The following PPP1R7 variants were observed in gnomAD, a reference collection of about 807,000 sequenced individuals.
PPP1R7 encodes the protein protein phosphatase 1 regulatory subunit 7.
In PPP1R7, 18 loss-of-function variants were observed where a neutral mutation model predicts 45.2. The ratio of observed to expected loss-of-function variants is 0.40; its 90% CI spans 0.28 to 0.59. The LOEUF (loss-of-function observed/expected upper bound fraction) is 0.59. PPP1R7 is among the 20% of genes least tolerant of loss of function. PPP1R7 has a pLI of 0.46. For missense variants in PPP1R7, 314 were observed against 455.8 expected (o/e 0.69, Z 2.83); for synonymous variants, 181 against 183.4 (o/e 0.99, Z 0.11).
Position 241,166,454 on chromosome 2 carries a change from C to G in PPP1R7, c.819+13C>G, listed in dbSNP as rs946240652. On this transcript the variant is annotated intron_variant, in intron 8 of 9. Coordinates refer to ENST00000234038, the MANE Select transcript of PPP1R7 (RefSeq NM_002712.3). ...CCTGGAGAACAATGTAAGACACCCA[C>G]TGTCTGTCTGGGGCTGTGTGGGCGG... 6.2e-7 allele frequency: 1 copy of G among 1,610,652 alleles called. No homozygotes were observed. Among genetic ancestry groups the G allele is most frequent in the Non-Finnish European group, 8.5e-7 (1 of 1,177,656 alleles).
chr2:241,182,410 C>T (rs1031558886), intron 9 of PPP1R7, among the ~76,000 whole-genome samples: 2 of 152,164 alleles, frequency 1.3e-5, no homozygotes, highest in Admixed American at 6.5e-5. Flanking sequence ...GTGGACTTGG[C>T]CCCGTCATAG....
rs1436124948 is a variant in PPP1R7, at chr2:241,153,604, G to A, written c.181G>A (p.Glu61Lys). 1.2e-6 allele frequency: 2 copies of A among 1,613,812 alleles called. No individual in the cohort carries two copies. Among genetic ancestry groups the A allele is most frequent in the Non-Finnish European group, 1.7e-6 (2 of 1,179,976 alleles). ...GEERGEEDPE[E>K]EHELPVDMET... ...GGAGCGGGGGGAGGAGGACCCAGAAGGTACCAGGCCCAGCTCCCTTGGGGA... is the reference window on the plus strand; with the variant it reads ...GGAGCGGGGGGAGGAGGACCCAGAAAGTACCAGGCCCAGCTCCCTTGGGGA... Residue 61 changes from glutamate (E) to lysine (K), a missense_variant and splice_region_variant, in exon 2 of 10, where the codon GAA becomes AAA. Coordinates refer to ENST00000234038, the MANE Select transcript of PPP1R7 (RefSeq NM_002712.3).
chr2:241,161,854 T>A (rs1309606279), intron 6 of PPP1R7, among the ~76,000 whole-genome samples: 2 of 152,222 alleles, frequency 1.3e-5, no homozygotes, highest in African/African-American at 2.4e-5. Context: ...CGTGCCTGGC[T>A]CCTAATCAGG....
intron 9 of PPP1R7, among the ~76,000 whole-genome samples, chr2:241,180,460 G>C (rs939772040): frequency 1.3e-5 from 2 of 150,044 alleles, no homozygotes; most frequent in African/African-American, 4.9e-5. Flanking sequence ...TTACAGATTT[G>C]CGTTGGGCCT....
rs373454713 is a variant in PPP1R7, at chr2:241,181,422, G to A, written c.907-1225G>A. 3.3e-5 allele frequency among the ~76,000 whole-genome samples: 5 copies of A among 152,000 alleles called. No homozygotes were observed. In the East Asian group the frequency reaches 9.7e-4, roughly 30 times the overall value. ...GCACGCACCTGCAGGCTCTGAGGAG[G>A]GAGTTCCAGCGCGAGCCCCGTGATC... is the stretch of plus-strand genomic sequence containing the variant. On this transcript the variant is annotated intron_variant, in intron 9 of 9. Transcript: ENST00000234038.
At chr2:241,176,181 G>A (rs747288914) in intron 9 of PPP1R7, among the ~76,000 whole-genome samples, 2 of 152,174 alleles carry the variant, frequency 1.3e-5, no homozygotes, top group African/African-American at 2.4e-5. Flanking sequence ...CCAAAGTGCT[G>A]GGATTACAGG....
chr2:241,174,516 C>A (rs2067875376), intron 9 of PPP1R7, among the ~76,000 whole-genome samples: 1 of 152,010 alleles, frequency 6.6e-6, no homozygotes, highest in South Asian at 2.1e-4. Context: ...GGCCACCAGG[C>A]TCTGCTTGGG....
At chr2:241,170,945 G>T (rs1025293528) in intron 9 of PPP1R7, among the ~76,000 whole-genome samples, 1 of 152,164 alleles carries the variant, frequency 6.6e-6, no homozygotes, top group African/African-American at 2.4e-5. Context: ...GGTGTGGCTG[G>T]TGGTAGGCTG....
intron 9 of PPP1R7, among the ~76,000 whole-genome samples, chr2:241,182,002 C>CAA (rs60709076): frequency 6.7e-4 from 93 of 138,112 alleles, no homozygotes; most frequent in African/African-American, 2.2e-3. Flanking sequence ...GACTCTGTCT[C>CAA]AAAAAAAAAA....
chr2:241,166,927 C>T (rs777909954), intron 8 of PPP1R7: 1 of 855,556 alleles, frequency 1.2e-6, no homozygotes, highest in Non-Finnish European at 1.9e-6. Flanking sequence ...CAGTCCCAGC[C>T]CCTTCCTCTT....
Position 241,182,754 on chromosome 2 carries a change from G to A in PPP1R7, c.1014G>A (p.Gln338=). The A allele has an allele frequency of 6.2e-7, 1 of 1,614,206 alleles. No homozygotes were observed. The highest frequency in any genetic ancestry group is 1.1e-5 in the South Asian group (1 of 91,086). Residue 338 remains glutamine (Q), a synonymous_variant, in exon 10 of 10, where the codon CAG becomes CAA. Coordinates refer to ENST00000234038, the MANE Select transcript of PPP1R7 (RefSeq NM_002712.3). ...LERNPLQKDP[Q]YRRKVMLALP... ...GGAACCCCTTGCAGAAGGACCCCCA[G>A]TACCGGCGGAAGGTCATGCTCGCCC...
upstream of PPP1R7, chr2:241,150,111 GC>G: frequency 1.6e-6 from 2 of 1,260,098 alleles, no homozygotes; most frequent in Middle Eastern, 3.1e-4. Context: ...CTGGCCCGCG[GC>G]CCCTCCACGC....
intron 8 of PPP1R7, 62 bp from the exon 9 acceptor site, chr2:241,169,719 T>C: frequency 7.2e-7 from 1 of 1,384,348 alleles, no homozygotes. Flanking sequence ...ACTGCCTGCG[T>C]GGTCATGCAA....
intron 9 of PPP1R7, among the ~76,000 whole-genome samples, chr2:241,181,833 G>T (rs557242838): frequency 6.6e-6 from 1 of 152,198 alleles, no homozygotes; most frequent in Non-Finnish European, 1.5e-5. Context: ...TGCCACCGCG[G>T]TTTGCCTGGC....
At chr2:241,168,359 AG>A (rs2067756760) in intron 8 of PPP1R7, among the ~76,000 whole-genome samples, 1 of 152,056 alleles carries the variant, frequency 6.6e-6, no homozygotes, top group African/African-American at 2.4e-5. Context: ...CGTGTGTTCC[AG>A]GCCACTTTCA....
rs553141500 is a variant in PPP1R7 at position 241,181,324 on chromosome 2, C to T, written c.907-1323C>T. 9.8e-4 allele frequency among the ~76,000 whole-genome samples: 149 copies of T among 152,188 alleles called. 1 individual carries two copies. Among genetic ancestry groups the T allele is most frequent in the Non-Finnish European group, 1.8e-3 (119 of 68,000 alleles). On this transcript the variant is annotated intron_variant, in intron 9 of 9. Coordinates refer to ENST00000234038, the MANE Select transcript of PPP1R7 (RefSeq NM_002712.3). ...CCTGGCTGTGACAGTGGACCTGGTG[C>T]AAAACTAGCCCTCCTGCCACAGACA...
chr2:241,169,775 T>G lies in PPP1R7; in HGVS notation c.820-6T>G. 6.2e-7 allele frequency: 1 copy of G among 1,601,892 alleles called. No individual in the cohort carries two copies. Among genetic ancestry groups the G allele is most frequent in the Non-Finnish European group, 8.6e-7 (1 of 1,168,888 alleles). On this transcript the variant is annotated splice_polypyrimidine_tract_variant and splice_region_variant and intron_variant, in intron 8 of 9. Coordinates refer to ENST00000234038, the MANE Select transcript of PPP1R7 (RefSeq NM_002712.3). ...ATCCAGGAAACATTTTATTTCCTTC[T>G]TTTAGAACAAACTCACGATGTTGGA...
At chr2:241,168,213 C>T (rs181620271) in intron 8 of PPP1R7, among the ~76,000 whole-genome samples, 36 of 152,164 alleles carry the variant, frequency 2.4e-4, no homozygotes, top group Admixed American at 1.1e-3. Context: ...TGTAGAAAAA[C>T]GTGAAATAGT....
upstream of PPP1R7, chr2:241,150,170 T>C: frequency 7.9e-7 from 1 of 1,268,734 alleles, no homozygotes; most frequent in Non-Finnish European, 9.9e-7. Flanking sequence ...GCCCAGGGCG[T>C]CTCTCCACTC....
Sources: allele counts gnomAD v4.1 joint callset (sites outside exome capture counted in the v4.1 genomes callset), GRCh38; gene constraint gnomAD v4.1.1; transcripts MANE v1.5; gene names NCBI Gene and HGNC (gene_info 2026-07-23, HGNC 2026-07-21).